Variants in LARGE1 observed in about 807,000 individuals in gnomAD.
LARGE1 encodes xylosyl- and glucuronyltransferase LARGE1.
In LARGE1, 43 loss-of-function variants were observed where a neutral mutation model predicts 87.6. The ratio of observed to expected loss-of-function variants is 0.49; its 90% CI spans 0.38 to 0.63. The LOEUF is 0.63. Ranked by LOEUF, LARGE1 falls within the 30% of genes least tolerant of loss-of-function variation. LARGE1 has a pLI of 0.00. For missense variants in LARGE1, 802 were observed against 1,000.2 expected (o/e 0.80, Z 2.67); for synonymous variants, 434 against 394.6 (o/e 1.10, Z -1.18).
chr22:33,206,423 A>T (rs1177761738), intron 11 of LARGE1, among the ~76,000 whole-genome samples: 1 of 151,988 alleles, frequency 6.6e-6, no homozygotes. Context: ...CCATTTTGCC[A>T]TGCAAGTTTT....
At chr22:33,393,998 G>A (rs1022882182) in intron 7 of LARGE1, among the ~76,000 whole-genome samples, 1 of 149,816 alleles carries the variant, frequency 6.7e-6, no homozygotes. Flanking sequence ...GGCAGGGAAA[G>A]AAAAGTAGGT....
chr22:33,286,016 G>C (rs1237617123), intron 12 of LARGE1, among the ~76,000 whole-genome samples: 2 of 152,168 alleles, frequency 1.3e-5, no homozygotes, highest in Admixed American at 1.3e-4. Flanking sequence ...CTTTACCATA[G>C]TGCTCATGTT....
chr22:33,428,036 G>A (rs1196548971), intron 7 of LARGE1, among the ~76,000 whole-genome samples: 1 of 152,174 alleles, frequency 6.6e-6, no homozygotes, highest in African/African-American at 2.4e-5. Context: ...AAGAGATACA[G>A]GAAAAACTGC....
chr22:33,785,313 A>C (rs75879228), intron 1 of LARGE1, among the ~76,000 whole-genome samples: 3,006 of 152,018 alleles, frequency 0.02, 109 homozygotes, highest in African/African-American at 0.069. Flanking sequence ...ATACACACAC[A>C]CCCCACTTAA....
intron 6 of LARGE1, among the ~76,000 whole-genome samples, chr22:33,462,222 TA>T (rs2068409808): frequency 6.6e-6 from 1 of 152,148 alleles, no homozygotes; most frequent in African/African-American, 2.4e-5. Flanking sequence ...ATGTAAGCCT[TA>T]AGGGAGTGGA....
intron 2 of LARGE1, among the ~76,000 whole-genome samples, chr22:33,691,430 C>T (rs1346738806): frequency 6.6e-6 from 1 of 152,072 alleles, no homozygotes; most frequent in Admixed American, 6.6e-5. Flanking sequence ...AGAATAAGCA[C>T]GGCAGAGGAT....
intron 3 of LARGE1, among the ~76,000 whole-genome samples, chr22:33,646,094 C>T (rs927158977): frequency 2.4e-4 from 37 of 152,100 alleles, no homozygotes; most frequent in African/African-American, 7.5e-4. Flanking sequence ...TGGGTATATA[C>T]CCAAAGGATT....
At chr22:33,168,195 G>T (rs1374470487) in intron 11 of LARGE1, among the ~76,000 whole-genome samples, 1 of 152,148 alleles carries the variant, frequency 6.6e-6, no homozygotes, top group East Asian at 1.9e-4. Flanking sequence ...ACAACCAGCT[G>T]CCAGCAACAA....
chr22:33,521,945 A>C (rs564716059), intron 6 of LARGE1, among the ~76,000 whole-genome samples: 1 of 152,206 alleles, frequency 6.6e-6, no homozygotes, highest in Non-Finnish European at 1.5e-5. Context: ...CAGAAGGCAA[A>C]GGGAGAACAG....
chr22:33,777,102 C>G (rs931764643), intron 1 of LARGE1, among the ~76,000 whole-genome samples: 3 of 152,108 alleles, frequency 2.0e-5, no homozygotes, highest in Non-Finnish European at 4.4e-5. Context: ...GGCACAATTT[C>G]AAAAGAGTGA....
intron 2 of LARGE1, among the ~76,000 whole-genome samples, chr22:33,752,424 C>A (rs548747851): frequency 6.6e-6 from 1 of 152,222 alleles, no homozygotes; most frequent in East Asian, 1.9e-4. Flanking sequence ...TGACTTAAAA[C>A]CAGGAAACCT....
At chr22:33,184,330 C>T (rs1006158202) in intron 11 of LARGE1, among the ~76,000 whole-genome samples, 2 of 151,056 alleles carry the variant, frequency 1.3e-5, no homozygotes, top group African/African-American at 2.4e-5. Context: ...CTAAATACTA[C>T]ACTTCCAAAC....
the LARGE1 span, among the ~76,000 whole-genome samples, chr22:33,119,690 A>C: frequency 6.6e-6 from 1 of 152,174 alleles, no homozygotes; most frequent in Non-Finnish European, 1.5e-5. Flanking sequence ...AGCTCCAGGG[A>C]GAAAGAGTTT....
chr22:33,707,738 G>A (rs1337643633), intron 2 of LARGE1, among the ~76,000 whole-genome samples: 1 of 152,236 alleles, frequency 6.6e-6, no homozygotes, highest in Non-Finnish European at 1.5e-5. Context: ...TCTCTTTTTA[G>A]TTTCCAGATG....
upstream of LARGE1, among the ~76,000 whole-genome samples, chr22:33,920,912 G>A (rs2147023951): frequency 6.8e-6 from 1 of 147,900 alleles, no homozygotes; most frequent in South Asian, 2.1e-4. Flanking sequence ...CCGCCGCGCG[G>A]GAACCGGCAG....
intron 1 of LARGE1, among the ~76,000 whole-genome samples, chr22:33,776,364 C>T (rs1173357241): frequency 2.0e-5 from 3 of 152,120 alleles, no homozygotes; most frequent in Non-Finnish European, 4.4e-5. Flanking sequence ...AGGAAAGAAT[C>T]GAGAAGTAAT....
At chr22:33,869,051 G>T (rs1467922012) in intron 1 of LARGE1, among the ~76,000 whole-genome samples, 1 of 152,128 alleles carries the variant, frequency 6.6e-6, no homozygotes, top group Non-Finnish European at 1.5e-5. Context: ...AGCAAAAGGG[G>T]GAAAGAAGGG....
intron 7 of LARGE1, among the ~76,000 whole-genome samples, chr22:33,405,597 C>A (rs1351119017): frequency 6.6e-6 from 1 of 152,156 alleles, no homozygotes; most frequent in Non-Finnish European, 1.5e-5. Flanking sequence ...ATACTTAAGG[C>A]ACTACAGGGG....
downstream of LARGE1, among the ~76,000 whole-genome samples, chr22:33,160,481 A>G (rs949529804): frequency 1.3e-5 from 2 of 152,260 alleles, no homozygotes; most frequent in Non-Finnish European, 2.9e-5. Flanking sequence ...TGTAGAATAC[A>G]ATACGATTCT....
Sources: gnomAD v4.1 joint callset for allele counts (sites outside exome capture counted in the v4.1 genomes callset) on GRCh38, gnomAD v4.1.1 for gene constraint, MANE v1.5 for transcripts, NCBI Gene and HGNC (gene_info 2026-07-23, HGNC 2026-07-21) for gene names.